DOCK10: variants seen among roughly 807,000 people sequenced by gnomAD.
The protein encoded by DOCK10 is dedicator of cytokinesis protein 10.
DOCK10 carries 145 observed loss-of-function variants against 280.1 expected under a neutral mutation model. That is an observed-to-expected ratio of 0.52 (90% CI 0.45 to 0.59). The LOEUF (loss-of-function observed/expected upper bound fraction) is 0.59, where lower values mean the gene tolerates loss of function less well. Among genes scored for constraint, DOCK10 ranks in the 20% least tolerant of loss-of-function variants. The pLI is 0.00. For synonymous variants in DOCK10, 915 were observed against 942.2 expected, an observed-to-expected ratio of 0.97 and a Z score of 0.53; for missense variants, 2,368 against 2,651.7, an observed-to-expected ratio of 0.89 and a Z score of 2.35.
At chr2:224,896,056 G>A (rs1043975318) in intron 4 of DOCK10, among the ~76,000 whole-genome samples, 5 of 151,968 alleles carry the variant, frequency 3.3e-5, no homozygotes, top group Admixed American at 2.6e-4. Context: ...ATAAATGAAC[G>A]TCAAAACTAC....
chr2:224,789,261 G>T, intron 47 of DOCK10, 91 bp from the exon 48 acceptor site: 1 of 746,024 alleles, frequency 1.3e-6, no homozygotes. Context: ...TTACCAAGTG[G>T]TAGTATTACA....
chr2:224,797,315 A>G (rs1692651953), intron 42 of DOCK10, among the ~76,000 whole-genome samples, 169 bp from the exon 43 acceptor site: 2 of 141,756 alleles, frequency 1.4e-5, no homozygotes, highest in African/African-American at 2.7e-5. Context: ...GTTAAGGCCT[A>G]TGTTAGCATT....
At chr2:224,953,177 T>G (rs1016458503) in intron 1 of DOCK10, among the ~76,000 whole-genome samples, 4 of 152,268 alleles carry the variant, frequency 2.6e-5, no homozygotes, top group African/African-American at 9.6e-5. Flanking sequence ...TCTTCCCACT[T>G]CAGTTATTAC....
chr2:224,765,619 A>G lies in DOCK10; in HGVS notation c.*102T>C. ...TAGCGAGGTAAACAAAAATATTAACACCATGAAAACTTCAAATAAATTAAA... is the reference window on the plus strand; with the variant it reads ...TAGCGAGGTAAACAAAAATATTAACGCCATGAAAACTTCAAATAAATTAAA... On this transcript the variant is annotated 3_prime_UTR_variant, in exon 56 of 56. Transcript: ENST00000258390. 1.2e-6 allele frequency: 1 copy of G among 801,630 alleles called. No individual in the cohort carries two copies. Among genetic ancestry groups the G allele is most frequent in the Non-Finnish European group, 1.9e-6 (1 of 518,196 alleles). The allele number at this position is 801,630 out of a possible 1,614,324, so 49.7% of individuals were successfully genotyped here. A position where few individuals can be genotyped will look rare whatever the true frequency, so the allele number is the denominator to read the frequency against.
intron 31 of DOCK10, among the ~76,000 whole-genome samples, chr2:224,809,989 CAAAAA>C (rs376029378): frequency 8.7e-6 from 1 of 115,372 alleles, no homozygotes; most frequent in Admixed American, 9.5e-5. Flanking sequence ...TATTCAGCCT[CAAAAA>C]AAAAAAAAAA....
At chr2:224,980,390 A>AT (rs1284966095) in intron 1 of DOCK10, among the ~76,000 whole-genome samples, 1 of 152,258 alleles carries the variant, frequency 6.6e-6, no homozygotes, top group Non-Finnish European at 1.5e-5. Context: ...AAGTGTCACA[A>AT]TTGTAGTATA....
chr2:224,891,059 T>C (rs2125794262), intron 4 of DOCK10, among the ~76,000 whole-genome samples: 1 of 152,110 alleles, frequency 6.6e-6, no homozygotes, highest in South Asian at 2.1e-4. Flanking sequence ...TTGATAGATG[T>C]CTAGAAGGAT....
intron 11 of DOCK10, among the ~76,000 whole-genome samples, chr2:224,871,996 T>G (rs1698318104): frequency 6.6e-6 from 1 of 152,216 alleles, no homozygotes; most frequent in Non-Finnish European, 1.5e-5. Context: ...TTAGGACAAG[T>G]TTGGCTCACA....
intron 1 of DOCK10, among the ~76,000 whole-genome samples, chr2:224,989,762 T>C (rs1706078404): frequency 1.3e-5 from 2 of 152,302 alleles, no homozygotes; most frequent in Non-Finnish European, 1.5e-5. Flanking sequence ...GAAGTCATTC[T>C]TCCTAGGACC....
rs367944810 is a variant in DOCK10, at chr2:224,927,157, C to G, written c.243+4392G>C. 2.7e-4 allele frequency among the ~76,000 whole-genome samples: 41 copies of G among 152,106 alleles called. 2 individuals carry two copies. In the South Asian group the frequency reaches 8.3e-3, roughly 31 times the overall value. On this transcript the variant is annotated intron_variant, in intron 2 of 55. Transcript: ENST00000258390. ...GACTGAAAAATAGGAACCAGCTATACAGAGAGTGTAAAGGCCCTACCGAGA... is the reference window on the plus strand; with the variant it reads ...GACTGAAAAATAGGAACCAGCTATAGAGAGAGTGTAAAGGCCCTACCGAGA...
At chr2:224,864,324 A>T (rs962077565) in intron 13 of DOCK10, among the ~76,000 whole-genome samples, 1 of 152,174 alleles carries the variant, frequency 6.6e-6, no homozygotes, top group Non-Finnish European at 1.5e-5. Flanking sequence ...CCTGGTCAAC[A>T]TGGTGAAACC....
At chr2:225,020,705 C>T (rs1442360094) in intron 1 of DOCK10, among the ~76,000 whole-genome samples, 1 of 152,146 alleles carries the variant, frequency 6.6e-6, no homozygotes, top group African/African-American at 2.4e-5. Flanking sequence ...AATGAAACAA[C>T]ACTTGCCACC....
intron 1 of DOCK10, among the ~76,000 whole-genome samples, chr2:224,969,736 A>T (rs1704979579): frequency 6.6e-6 from 1 of 152,236 alleles, no homozygotes; most frequent in Non-Finnish European, 1.5e-5. Flanking sequence ...ACAAAATAGG[A>T]TGGCCACTAT....
chr2:224,879,538 A>C (rs957646970), intron 7 of DOCK10, among the ~76,000 whole-genome samples: 27 of 152,186 alleles, frequency 1.8e-4, no homozygotes, highest in Non-Finnish European at 2.2e-4. Context: ...CGGGCAGCTC[A>C]CTTGAGGCCA....
intron 55 of DOCK10, among the ~76,000 whole-genome samples, chr2:224,769,969 G>T (rs754700045): frequency 6.6e-6 from 1 of 152,122 alleles, no homozygotes; most frequent in African/African-American, 2.4e-5. Flanking sequence ...GAAAACCCAG[G>T]GTTCATTTGG....
At chr2:225,026,618 TAAGAA>T (rs935998153) in intron 1 of DOCK10, among the ~76,000 whole-genome samples, 7 of 152,024 alleles carry the variant, frequency 4.6e-5, no homozygotes, top group Admixed American at 3.9e-4. Context: ...ACTCAGGAAA[TAAGAA>T]AAGCAGATTT....
At chr2:224,797,233 A>C in intron 42 of DOCK10, 87 bp from the exon 43 acceptor site, 1 of 1,036,586 alleles carries the variant, frequency 9.6e-7, no homozygotes, top group African/African-American at 1.7e-5. Context: ...CCTAAAACAA[A>C]ATCCCTCTCC....
intron 15 of DOCK10, among the ~76,000 whole-genome samples, chr2:224,855,616 C>G (rs953809053): frequency 2.0e-5 from 3 of 152,154 alleles, no homozygotes; most frequent in Non-Finnish European, 4.4e-5. Flanking sequence ...ATGCACTCCC[C>G]GGCTCAAGTC....
intron 31 of DOCK10, among the ~76,000 whole-genome samples, chr2:224,811,446 T>A (rs1329131622): frequency 6.6e-6 from 1 of 152,224 alleles, no homozygotes; most frequent in Non-Finnish European, 1.5e-5. Flanking sequence ...GCCTGTTGAC[T>A]CTGATGGTAG....
Sources: allele counts gnomAD v4.1 joint callset (sites outside exome capture counted in the v4.1 genomes callset), GRCh38; gene constraint gnomAD v4.1.1; transcripts MANE v1.5; gene names NCBI Gene and HGNC (gene_info 2026-07-23, HGNC 2026-07-21).